PGGT1B: variants seen among roughly 807,000 people sequenced by gnomAD.
PGGT1B encodes protein geranylgeranyltransferase type I subunit beta, also known as geranylgeranyl transferase type-1 subunit beta.
In PGGT1B, 30 loss-of-function variants were observed where a neutral mutation model predicts 46.1. That is an observed-to-expected ratio of 0.65 (90% CI 0.49 to 0.88). The LOEUF (loss-of-function observed/expected upper bound fraction) is 0.88, where lower values mean the gene tolerates loss of function less well. Ranked by LOEUF, PGGT1B falls within the 40% of genes least tolerant of loss-of-function variation. The pLI is 0.00. For synonymous variants in PGGT1B, 170 were observed against 160.0 expected, an observed-to-expected ratio of 1.06 and a Z score of -0.47; for missense variants, 376 against 455.9, an observed-to-expected ratio of 0.82 and a Z score of 1.60.
chr5:115,210,173 G>A lies in PGGT1B; in HGVS notation c.*2229C>T, dbSNP rs973006644. On this transcript the variant is annotated 3_prime_UTR_variant, in exon 9 of 9. Transcript: ENST00000419445. ...TTTGTACACAGATGCTCAAAATAAA[G>A]CTCCTCCTCCTACCTTCTAAAAAAA... The A allele has an allele frequency of 5.3e-5, 8 of 151,844 alleles. No individual in the cohort carries two copies. Among genetic ancestry groups the A allele is most frequent in the African/African-American group, 1.7e-4 (7 of 41,362 alleles). The allele number at this position is 151,844 out of a possible 1,614,324, so 9.4% of individuals were successfully genotyped here. A position where few individuals can be genotyped will look rare whatever the true frequency, so the allele number is the denominator to read the frequency against.
intron 6 of PGGT1B, among the ~76,000 whole-genome samples, chr5:115,224,194 G>A (rs1236178230): frequency 6.6e-6 from 1 of 152,106 alleles, no homozygotes; most frequent in African/African-American, 2.4e-5. Context: ...TGACTCACTA[G>A]TTCCAATTTT....
chr5:115,228,712 C>A (rs879274957), intron 6 of PGGT1B, among the ~76,000 whole-genome samples: 5 of 151,794 alleles, frequency 3.3e-5, no homozygotes, highest in Non-Finnish European at 5.9e-5. Flanking sequence ...AAAGAAGTGA[C>A]AGGAAGAAAC....
At chr5:115,213,315 G>A (rs915443884) in intron 8 of PGGT1B, among the ~76,000 whole-genome samples, 3 of 152,122 alleles carry the variant, frequency 2.0e-5, no homozygotes, top group Non-Finnish European at 4.4e-5. Flanking sequence ...TATTAAAGTG[G>A]CCAATGAAAT....
chr5:115,221,733 T>C (rs1337584838), intron 7 of PGGT1B, 91 bp downstream of exon 7: 2 of 694,920 alleles, frequency 2.9e-6, no homozygotes, highest in Non-Finnish European at 4.5e-6. Context: ...AACCTAACAA[T>C]ATTTAATACA....
chr5:115,259,146 T>C (rs529724016), intron 1 of PGGT1B, among the ~76,000 whole-genome samples: 2 of 152,254 alleles, frequency 1.3e-5, no homozygotes, highest in Non-Finnish European at 2.9e-5. Context: ...ACATACACAT[T>C]AGAGTTGGGA....
At chr5:115,232,779 C>G (rs1050858723) in intron 5 of PGGT1B, among the ~76,000 whole-genome samples, 33 of 151,906 alleles carry the variant, frequency 2.2e-4, no homozygotes, top group Non-Finnish European at 1.9e-4. Context: ...AAACACAGCA[C>G]TGGCTATATG....
intron 5 of PGGT1B, among the ~76,000 whole-genome samples, chr5:115,231,375 C>T (rs1475215862): frequency 6.6e-6 from 1 of 151,974 alleles, no homozygotes; most frequent in Non-Finnish European, 1.5e-5. Context: ...GGATTTCATA[C>T]TGATAGAACA....
At chr5:115,234,821 G>A (rs993636446) in intron 5 of PGGT1B, among the ~76,000 whole-genome samples, 2 of 151,998 alleles carry the variant, frequency 1.3e-5, no homozygotes, top group African/African-American at 4.8e-5. Flanking sequence ...CATCACGATA[G>A]ATTCATGATT....
intron 6 of PGGT1B, among the ~76,000 whole-genome samples, chr5:115,228,258 T>C (rs1370309905): frequency 6.6e-6 from 1 of 152,164 alleles, no homozygotes. Context: ...AGATAATTAA[T>C]AAAGAACCAT....
At chr5:115,260,425 AG>A (rs1198811169) in intron 1 of PGGT1B, among the ~76,000 whole-genome samples, 2 of 152,146 alleles carry the variant, frequency 1.3e-5, no homozygotes, top group African/African-American at 4.8e-5. Flanking sequence ...CTGCAATACC[AG>A]GTAAGAGTTG....
intron 6 of PGGT1B, among the ~76,000 whole-genome samples, chr5:115,224,116 A>AG (rs869298840): frequency 1.5e-4 from 2 of 13,642 alleles, no homozygotes; most frequent in African/African-American, 6.0e-3. Context: ...AAGAAAAGCT[A>AG]AAAAAATTAT....
chr5:115,254,214 C>T (rs1748218723), intron 1 of PGGT1B, among the ~76,000 whole-genome samples: 1 of 151,952 alleles, frequency 6.6e-6, no homozygotes, highest in African/African-American at 2.4e-5. Flanking sequence ...ATCTAGAGTA[C>T]TATTATCTAG....
At chr5:115,224,129 C>T (rs1330672843) in intron 6 of PGGT1B, among the ~76,000 whole-genome samples, 1 of 151,594 alleles carries the variant, frequency 6.6e-6, no homozygotes, top group African/African-American at 2.4e-5. Context: ...AAAATTATTA[C>T]AACCTTTTAA....
Position 115,204,229 on chromosome 5 carries a change from A to G in PGGT1B, c.*8173T>C, listed in dbSNP as rs1470294187. ...ATCAGTGATTGGTTCTCAACTTTGA[A>G]TGTGCATTGAAACCACTTGGAGGGC... On this transcript the variant is annotated 3_prime_UTR_variant, in exon 9 of 9. Coordinates refer to ENST00000419445, the MANE Select transcript of PGGT1B (RefSeq NM_005023.4). The G allele has an allele frequency of 1.3e-5, 2 of 152,152 alleles. No homozygotes were observed. Among genetic ancestry groups the G allele is most frequent in the African/African-American group, 4.8e-5 (2 of 41,438 alleles). The allele number at this position is 152,152 out of a possible 1,614,324, so 9.4% of individuals were successfully genotyped here.
At chr5:115,251,314 T>C (rs1040965802) in intron 2 of PGGT1B, among the ~76,000 whole-genome samples, 1 of 152,116 alleles carries the variant, frequency 6.6e-6, no homozygotes, top group Non-Finnish European at 1.5e-5. Flanking sequence ...CAAACAAAAT[T>C]ATTATGGATA....
chr5:115,262,633 GT>G, intron 1 of PGGT1B, 78 bp downstream of exon 1: 1 of 1,498,738 alleles, frequency 6.7e-7, no homozygotes, highest in Non-Finnish European at 9.0e-7. Flanking sequence ...CCGGCGCCCA[GT>G]TTGCGGTCCG....
At chr5:115,217,317 T>C (rs202015768) in intron 7 of PGGT1B, among the ~76,000 whole-genome samples, 1 of 132,494 alleles carries the variant, frequency 7.5e-6, no homozygotes, top group Non-Finnish European at 1.7e-5. Flanking sequence ...TTAACTCTTA[T>C]GATAAGCTCT....
intron 2 of PGGT1B, among the ~76,000 whole-genome samples, chr5:115,248,356 CT>C (rs1372918848): frequency 1.3e-5 from 2 of 152,194 alleles, no homozygotes; most frequent in Non-Finnish European, 2.9e-5. Flanking sequence ...CTAGCATTAA[CT>C]AGCTGTATTA....
In PGGT1B at chr5:115,219,099, T is replaced by G. The variant is rs1488475483; in HGVS notation, c.844-2126A>C. Among the ~76,000 whole-genome samples the G allele has an allele frequency of 2.6e-5, 4 of 151,874 alleles. No individual in the cohort carries two copies. The East Asian group carries it at 5.8e-4, about 22-fold the overall frequency. ...AGACTTTTTTGCAGAAATGGGAAAGTCAATTACCAGATTCATATCAAATTG... is the reference window on the plus strand; with the variant it reads ...AGACTTTTTTGCAGAAATGGGAAAGGCAATTACCAGATTCATATCAAATTG... On this transcript the variant is annotated intron_variant, in intron 7 of 8. Transcript: ENST00000419445.
Sources: allele counts gnomAD v4.1 joint callset (sites outside exome capture counted in the v4.1 genomes callset), GRCh38; gene constraint gnomAD v4.1.1; transcripts MANE v1.5; gene names NCBI Gene and HGNC (gene_info 2026-07-23, HGNC 2026-07-21).